ACACA: variants seen among roughly 807,000 people sequenced by gnomAD.
The protein encoded by ACACA is acetyl-CoA carboxylase 1.
A neutral mutation model predicts 296.1 loss-of-function variants in ACACA; 103 were observed. That is an observed-to-expected ratio of 0.35 (90% confidence interval 0.30 to 0.41). ACACA has a LOEUF of 0.41. ACACA is among the 10% of genes least tolerant of loss of function. The probability of loss-of-function intolerance (pLI) is 1.00; values close to 1 mark genes in which losing one functional copy is unlikely to be tolerated. For missense variants in ACACA, 1,554 were observed against 2,989.7 expected (o/e 0.52, Z 11.20); for synonymous variants, 953 against 1,038.6 (o/e 0.92, Z 1.58).
intron 26 of ACACA, 140 bp downstream of exon 26, chr17:37,226,199 T>C (rs919123778): frequency 3.8e-6 from 3 of 791,382 alleles, no homozygotes; most frequent in Non-Finnish European, 6.9e-6. Context: ...CATGAAAACA[T>C]TTGTTCTGAG....
chr17:37,086,359 T>C lies in ACACA; in HGVS notation c.*957A>G, dbSNP rs2072197677. On this transcript the variant is annotated 3_prime_UTR_variant, in exon 56 of 56. Transcript: ENST00000616317. ...AAGCTCCAGGCTTCATAGGAACAAC[T>C]TTCCAAGTCCTCAAAACAAACAGAC... The C allele has an allele frequency of 6.6e-6, 1 of 152,392 alleles. No homozygotes were observed. Among genetic ancestry groups the C allele is most frequent in the Admixed American group, 6.5e-5 (1 of 15,286 alleles). The allele number at this position is 152,392 out of a possible 1,614,324, so 9.4% of individuals were successfully genotyped here.
Position 37,174,003 on chromosome 17 carries a change from TATATATATATA to T in ACACA, c.5079+5246_5079+5256del, listed in dbSNP as rs2076997293. On this transcript the variant is annotated intron_variant, in intron 41 of 55. Transcript: ENST00000616317. ...TAATTTATATATATATATATATATA[TATATATATATA>T]TATATATTTTTTTTTTTTTTTTTTT... 2.2e-3 allele frequency among the ~76,000 whole-genome samples: 29 copies of T among 13,204 alleles called. 1 individual carries two copies. In the East Asian group the frequency reaches 0.025, roughly 11 times the overall value. The allele number at this position is 13,204 out of a possible 152,430, so 8.7% of individuals were successfully genotyped here. A position where few individuals can be genotyped will look rare whatever the true frequency, so the allele number is the denominator to read the frequency against.
chr17:37,212,309 C>G (rs959037210), intron 29 of ACACA, among the ~76,000 whole-genome samples: 1 of 152,080 alleles, frequency 6.6e-6, no homozygotes, highest in East Asian at 1.9e-4. Flanking sequence ...GAAAAAGGCC[C>G]GAACTGAAAA....
chr17:37,237,578 A>T (rs1203086892), intron 24 of ACACA, among the ~76,000 whole-genome samples: 1 of 152,198 alleles, frequency 6.6e-6, no homozygotes, highest in Non-Finnish European at 1.5e-5. Context: ...GGGATTGAGC[A>T]TCTTTGTGTA....
At chr17:37,124,329 T>C (rs2074672412) in intron 48 of ACACA, among the ~76,000 whole-genome samples, 1 of 152,212 alleles carries the variant, frequency 6.6e-6, no homozygotes, top group African/African-American at 2.4e-5. Flanking sequence ...TTGACTGATC[T>C]TGGTCGCAAA....
intron 3 of ACACA, among the ~76,000 whole-genome samples, chr17:37,301,855 G>A (rs955602878): frequency 6.6e-6 from 1 of 152,196 alleles, no homozygotes; most frequent in African/African-American, 2.4e-5. Flanking sequence ...AAGAAAGGCT[G>A]CTGGAAATTT....
At chr17:37,190,671 T>C (rs1446166088) in intron 38 of ACACA, among the ~76,000 whole-genome samples, 1 of 152,200 alleles carries the variant, frequency 6.6e-6, no homozygotes, top group Admixed American at 6.5e-5. Flanking sequence ...TTAGACACTT[T>C]GAGAAGGTGC....
At chr17:37,182,257 CTAGA>C (rs1346737443) in intron 39 of ACACA, among the ~76,000 whole-genome samples, 3 of 151,908 alleles carry the variant, frequency 2.0e-5, no homozygotes, top group Non-Finnish European at 2.9e-5. Context: ...ATCCATCCAT[CTAGA>C]TAGTTAATTC....
chr17:37,158,681 A>C (rs570380597), intron 42 of ACACA, among the ~76,000 whole-genome samples: 1 of 152,208 alleles, frequency 6.6e-6, no homozygotes, highest in South Asian at 2.1e-4. Context: ...AGGGAAGGTG[A>C]ATAGGAAAAG....
chr17:37,090,570 G>C (rs2072548780), intron 54 of ACACA, among the ~76,000 whole-genome samples: 1 of 152,118 alleles, frequency 6.6e-6, no homozygotes, highest in Admixed American at 6.5e-5. Context: ...TCTGTGCCTG[G>C]GTTAGGACTC....
intron 17 of ACACA, 100 bp downstream of exon 17, chr17:37,248,493 C>T: frequency 1.1e-6 from 1 of 891,610 alleles, no homozygotes; most frequent in South Asian, 1.3e-5. Flanking sequence ...TTCACTAATA[C>T]CCCCATCCCT....
intron 5 of ACACA, 100 bp downstream of exon 5, chr17:37,283,167 T>C (rs2082621363): frequency 3.5e-6 from 5 of 1,408,716 alleles, no homozygotes; most frequent in Non-Finnish European, 5.0e-6. Context: ...GGAAGTCCTA[T>C]GTTTGGGAAT....
intron 25 of ACACA, among the ~76,000 whole-genome samples, chr17:37,233,179 G>A (rs1239104903): frequency 6.6e-6 from 1 of 152,172 alleles, no homozygotes; most frequent in African/African-American, 2.4e-5. Context: ...TTACACACTT[G>A]AGTGACTGGA....
chr17:37,262,300 G>T (rs2081549695), intron 11 of ACACA, among the ~76,000 whole-genome samples: 1 of 152,104 alleles, frequency 6.6e-6, no homozygotes. Context: ...TTGTCCAGTG[G>T]AATGTGAGCA....
chr17:37,086,289 G>C lies in ACACA; in HGVS notation c.*1027C>G, dbSNP rs2072191214. ...TGCTAGGACAGTAATCCTGGAACTA[G>C]GGAAGAGTGAGTGTGGAGGCACCAT... On this transcript the variant is annotated 3_prime_UTR_variant, in exon 56 of 56. Transcript: ENST00000616317. 6.5e-6 allele frequency: 1 copy of C among 153,470 alleles called. No homozygotes were observed. The highest frequency in any genetic ancestry group is 1.5e-5 in the Non-Finnish European group (1 of 68,924). 9.5% of individuals were successfully genotyped at this position (153,470 alleles called of 1,614,324 possible). A position where few individuals can be genotyped will look rare whatever the true frequency, so the allele number is the denominator to read the frequency against.
In ACACA at chr17:37,330,289, C is replaced by T. The variant is rs1172952460; in HGVS notation, c.222G>A (p.Val74=). The T allele has an allele frequency of 2.5e-6, 4 of 1,614,102 alleles. No homozygotes were observed. The highest frequency in any genetic ancestry group is 1.3e-5 in the African/African-American group (1 of 74,940). The change falls in exon 3 of 56, where the codon GTG becomes GTA. Residue 74 remains valine (V), a synonymous_variant. Transcript: ENST00000616317. ...DNSEDEISNL[V]KLDLLEEKEG... ...CCTTCTCCTCCAGTAGGTCCAACTT[C>T]ACCAGGTTGCTGATCTCATCCTCTG...
At chr17:37,229,666 T>TA (rs2079750775) in intron 25 of ACACA, among the ~76,000 whole-genome samples, 2 of 152,094 alleles carry the variant, frequency 1.3e-5, no homozygotes, top group Non-Finnish European at 2.9e-5. Context: ...CACTTTTTTT[T>TA]AAAAACCACT....
chr17:37,096,927 C>T (rs976401908), intron 54 of ACACA, 69 bp downstream of exon 54: 19 of 1,592,906 alleles, frequency 1.2e-5, no homozygotes, highest in East Asian at 1.1e-4. Flanking sequence ...TCTTTGCTGG[C>T]GAGACTTGCA....
chr17:37,221,271 G>A (rs1598223417), intron 29 of ACACA, among the ~76,000 whole-genome samples: 1 of 152,106 alleles, frequency 6.6e-6, no homozygotes, highest in African/African-American at 2.4e-5. Context: ...CTAAATTCAG[G>A]TGGTCTGTTT....
Sources: gnomAD v4.1 joint callset for allele counts (sites outside exome capture counted in the v4.1 genomes callset) on GRCh38, gnomAD v4.1.1 for gene constraint, MANE v1.5 for transcripts, NCBI Gene and HGNC (gene_info 2026-07-23, HGNC 2026-07-21) for gene names.